The following GLIS1 variants were observed in gnomAD, a reference collection of about 807,000 sequenced individuals.
GLIS1 encodes GLIS family zinc finger 1.
Under a neutral mutation model 63.8 loss-of-function variants are expected in GLIS1, and 24 were observed. That is an observed-to-expected ratio of 0.38 (90% CI 0.27 to 0.53). The LOEUF (loss-of-function observed/expected upper bound fraction) is 0.53, where lower values mean the gene tolerates loss of function less well. GLIS1 is among the 20% of genes least tolerant of loss of function. The pLI is 0.85. For synonymous variants in GLIS1, 450 were observed against 482.5 expected, an observed-to-expected ratio of 0.93 and a Z score of 0.88; for missense variants, 1,036 against 1,074.1, an observed-to-expected ratio of 0.96 and a Z score of 0.50.
intron 2 of GLIS1, among the ~76,000 whole-genome samples, chr1:53,632,700 G>A (rs779375650): frequency 6.9e-6 from 1 of 144,780 alleles, no homozygotes; most frequent in Non-Finnish European, 1.5e-5. Context: ...GAGACTGAGG[G>A]GTGTGAATGA....
intron 2 of GLIS1, among the ~76,000 whole-genome samples, chr1:53,683,389 C>T (rs1400248318): frequency 6.6e-6 from 1 of 152,188 alleles, no homozygotes; most frequent in Non-Finnish European, 1.5e-5. Flanking sequence ...AGCACAATGA[C>T]CATGAGCAGA....
chr1:53,571,651 G>T (rs753338462), intron 4 of GLIS1, among the ~76,000 whole-genome samples: 1 of 151,768 alleles, frequency 6.6e-6, no homozygotes, highest in East Asian at 1.9e-4. Flanking sequence ...ATCTGGGCTC[G>T]CTGCAAGCTC....
rs572745883 is a variant in GLIS1, at chr1:53,665,262, C to T, written c.260-64984G>A. Among the ~76,000 whole-genome samples the T allele has an allele frequency of 2.6e-5, 4 of 152,200 alleles. No homozygotes were observed. The East Asian group carries it at 7.7e-4, about 29-fold the overall frequency. ...ATAGGGGAGAGAAGAGACAAGGGGA[C>T]TCCAAAGCTTCTGGCCTGGGCAACT... On this transcript the variant is annotated intron_variant, in intron 2 of 10. Coordinates refer to ENST00000628545, the MANE Select transcript of GLIS1 (RefSeq NM_001367484.1).
chr1:53,645,332 TG>T (rs1316827572), intron 2 of GLIS1, among the ~76,000 whole-genome samples: 3 of 152,214 alleles, frequency 2.0e-5, no homozygotes, highest in East Asian at 3.8e-4. Flanking sequence ...CTGTTTCACT[TG>T]TTACCAAATG....
chr1:53,641,110 G>A (rs1645782643), intron 2 of GLIS1, among the ~76,000 whole-genome samples: 1 of 152,140 alleles, frequency 6.6e-6, no homozygotes, highest in Non-Finnish European at 1.5e-5. Flanking sequence ...GAGAGTCCCT[G>A]AATATCTTGG....
intron 7 of GLIS1, among the ~76,000 whole-genome samples, chr1:53,515,816 TAAA>T (rs58953406): frequency 0.011 from 769 of 69,164 alleles, 6 homozygotes; most frequent in African/African-American, 0.04. Flanking sequence ...CTATTTTATC[TAAA>T]AAAAAAAAAA....
intron 2 of GLIS1, among the ~76,000 whole-genome samples, chr1:53,631,014 G>A (rs1234991460): frequency 6.6e-6 from 1 of 152,180 alleles, no homozygotes; most frequent in African/African-American, 2.4e-5. Flanking sequence ...TTTTGTGAGA[G>A]CTTTTTAATG....
At chr1:53,645,198 C>A (rs1036085223) in intron 2 of GLIS1, among the ~76,000 whole-genome samples, 2 of 152,206 alleles carry the variant, frequency 1.3e-5, no homozygotes, top group Non-Finnish European at 2.9e-5. Flanking sequence ...TGCATGGGTC[C>A]TTCCATATTT....
chr1:53,602,068 C>T (rs1043488878), intron 2 of GLIS1, among the ~76,000 whole-genome samples: 11 of 152,228 alleles, frequency 7.2e-5, no homozygotes, highest in East Asian at 1.9e-4. Flanking sequence ...TCTGCTCCCA[C>T]GCTACCTTCC....
chr1:53,708,829 C>T (rs150275642), intron 2 of GLIS1, among the ~76,000 whole-genome samples: 32 of 152,222 alleles, frequency 2.1e-4, no homozygotes, highest in African/African-American at 5.3e-4. Flanking sequence ...AGCTGGGGAG[C>T]GTTATCTTTG....
chr1:53,514,933 G>T, intron 7 of GLIS1, 152 bp from the exon 8 acceptor site: 1 of 901,060 alleles, frequency 1.1e-6, no homozygotes, highest in Non-Finnish European at 1.6e-6. Flanking sequence ...GGGCCCCAGT[G>T]AGGGAGGTGC....
intron 2 of GLIS1, among the ~76,000 whole-genome samples, chr1:53,718,948 C>T (rs539008881): frequency 6.6e-6 from 1 of 152,320 alleles, no homozygotes; most frequent in South Asian, 2.1e-4. Context: ...GCTCTTTGGA[C>T]TTGGATGCTT....
intron 2 of GLIS1, among the ~76,000 whole-genome samples, chr1:53,727,980 A>C (rs1186166421): frequency 1.3e-5 from 2 of 152,224 alleles, no homozygotes; most frequent in Non-Finnish European, 2.9e-5. Context: ...CAAGAACATC[A>C]AACACAGCTC....
chr1:53,734,747 C>T (rs1175881374), intron 2 of GLIS1, among the ~76,000 whole-genome samples: 1 of 152,204 alleles, frequency 6.6e-6, no homozygotes, highest in African/African-American at 2.4e-5. Context: ...AGAGAACAAG[C>T]GTCATCAGGC....
chr1:53,673,191 C>A (rs1646173882), intron 2 of GLIS1, among the ~76,000 whole-genome samples: 2 of 152,188 alleles, frequency 1.3e-5, no homozygotes, highest in African/African-American at 2.4e-5. Context: ...TGTCTTTAAC[C>A]TCTTGTCCAC....
At chr1:53,649,853 T>A (rs1645887194) in intron 2 of GLIS1, among the ~76,000 whole-genome samples, 1 of 152,242 alleles carries the variant, frequency 6.6e-6, no homozygotes, top group Non-Finnish European at 1.5e-5. Context: ...AATCGACTGT[T>A]TATGTTATCC....
chr1:53,622,869 A>G (rs1257362335), intron 2 of GLIS1, among the ~76,000 whole-genome samples: 1 of 152,222 alleles, frequency 6.6e-6, no homozygotes, highest in Non-Finnish European at 1.5e-5. Context: ...TTTGTGGGTA[A>G]TTTGTCGCAG....
At chr1:53,729,187 A>G (rs999914265) in intron 2 of GLIS1, among the ~76,000 whole-genome samples, 17 of 152,210 alleles carry the variant, frequency 1.1e-4, no homozygotes, top group African/African-American at 3.6e-4. Flanking sequence ...AGTAACACAG[A>G]GGTTTTAAGC....
chr1:53,698,210 ACCT>A (rs1168095563), intron 2 of GLIS1, among the ~76,000 whole-genome samples: 1 of 152,126 alleles, frequency 6.6e-6, no homozygotes, highest in African/African-American at 2.4e-5. Flanking sequence ...CTGGGGAAGG[ACCT>A]TAGGCCACAG....
Sources: allele counts gnomAD v4.1 joint callset (sites outside exome capture counted in the v4.1 genomes callset), GRCh38; gene constraint gnomAD v4.1.1; transcripts MANE v1.5; gene names NCBI Gene and HGNC (gene_info 2026-07-23, HGNC 2026-07-21).